The following DCLK1 variants were observed in gnomAD, a reference collection of about 807,000 sequenced individuals.
DCLK1 encodes the protein doublecortin like kinase 1, also known as serine/threonine-protein kinase DCLK1.
In DCLK1, 16 loss-of-function variants were observed where a neutral mutation model predicts 86.2. The ratio of observed to expected loss-of-function variants is 0.19; its 90% CI spans 0.13 to 0.28. The LOEUF (loss-of-function observed/expected upper bound fraction) is 0.28, where lower values mean the gene tolerates loss of function less well. Among genes scored for constraint, DCLK1 ranks in the 10% least tolerant of loss-of-function variants. The probability of loss-of-function intolerance (pLI) is 1.00; values close to 1 mark genes in which losing one functional copy is unlikely to be tolerated. For missense variants in DCLK1, 590 were observed against 940.2 expected (o/e 0.63, Z 4.87); for synonymous variants, 369 against 370.5 (o/e 1.00, Z 0.05).
chr13:36,087,379 C>T (rs1172248809), intron 3 of DCLK1, among the ~76,000 whole-genome samples: 2 of 152,202 alleles, frequency 1.3e-5, no homozygotes, highest in Admixed American at 1.3e-4. Flanking sequence ...TATCTTCAAG[C>T]ACAGGTATTG....
At chr13:35,985,875 T>G (rs1879876482) in intron 3 of DCLK1, among the ~76,000 whole-genome samples, 1 of 152,202 alleles carries the variant, frequency 6.6e-6, no homozygotes, top group African/African-American at 2.4e-5. Context: ...AAATAGATAT[T>G]TTATCAGGAA....
rs1379154512 is a variant in DCLK1 at position 36,032,136 on chromosome 13, TTTTTTTC to T, written c.723+79726_723+79732del. ...TTTTCTTTTTTCTTTTTCTTTTCTTTTTTTTTCTTTTTTCTTTTTTTTTGAGACGGAT... is the reference window on the plus strand; with the variant it reads ...TTTTCTTTTTTCTTTTTCTTTTCTTTTTTTTTCTTTTTTTTTGAGACGGAT... On this transcript the variant is annotated intron_variant, in intron 3 of 16. Transcript: ENST00000360631. Among the ~76,000 whole-genome samples the T allele has an allele frequency of 2.6e-5, 4 of 152,194 alleles. No homozygotes were observed. In the East Asian group the frequency reaches 7.7e-4, roughly 29 times the overall value.
rs529067405 is a variant in DCLK1, at chr13:35,793,452, G to C, written c.1972C>G (p.Gln658Glu). 64 of 1,607,176 alleles carry C rather than the reference G, an allele frequency of 4.0e-5. 1 individual carries two copies. In the South Asian group the frequency reaches 6.9e-4, roughly 17 times the overall value. ...TTTATCTTTCCAGCTACTGACAGCT[G>C]ATGTTCATTTTCTGGGAGGCCATCA... is the stretch of plus-strand genomic sequence containing the variant. ...NDDGLPENEH[Q>E]LSVAGKIKKH... The change falls in exon 16 of 17, where the codon CAG (glutamine) becomes GAG (glutamate). Residue 658 changes from glutamine to glutamate, a missense_variant. By Grantham distance (29) the Gln-to-Glu change is conservative (BLOSUM62 2). Transcript: ENST00000360631.
intron 5 of DCLK1, among the ~76,000 whole-genome samples, chr13:35,860,173 G>T (rs773541320): frequency 2.0e-5 from 3 of 152,138 alleles, no homozygotes; most frequent in Non-Finnish European, 4.4e-5. Flanking sequence ...GGCGATTCAG[G>T]CACGCTGCCA....
chr13:36,058,622 T>C (rs1408486877), intron 3 of DCLK1, among the ~76,000 whole-genome samples: 1 of 152,088 alleles, frequency 6.6e-6, no homozygotes, highest in East Asian at 1.9e-4. Flanking sequence ...GATGTAAAGA[T>C]ATTATAAAAT....
At chr13:36,022,534 G>GA (rs1486939772) in intron 3 of DCLK1, among the ~76,000 whole-genome samples, 1 of 151,530 alleles carries the variant, frequency 6.6e-6, no homozygotes, top group Non-Finnish European at 1.5e-5. Context: ...AACTTATTGA[G>GA]AAAAAAAGAG....
At chr13:35,850,699 T>C (rs1394459831) in intron 6 of DCLK1, 33 of 1,582,122 alleles carry the variant, frequency 2.1e-5, no homozygotes, top group Non-Finnish European at 2.7e-5. Flanking sequence ...ACAAACCATA[T>C]ACATTGCTCC....
chr13:35,901,156 A>C (rs1374503195), intron 4 of DCLK1, among the ~76,000 whole-genome samples: 1 of 152,196 alleles, frequency 6.6e-6, no homozygotes, highest in Non-Finnish European at 1.5e-5. Context: ...TAGGGAGATA[A>C]AAACTGAAAG....
At chr13:35,782,553 G>A (rs1219971956) in intron 16 of DCLK1, among the ~76,000 whole-genome samples, 2 of 152,128 alleles carry the variant, frequency 1.3e-5, no homozygotes, top group Non-Finnish European at 2.9e-5. Context: ...TGCTAAAAGT[G>A]GGATGTTATT....
chr13:35,811,740 A>G (rs2087149911), intron 11 of DCLK1, among the ~76,000 whole-genome samples: 1 of 152,128 alleles, frequency 6.6e-6, no homozygotes, highest in Non-Finnish European at 1.5e-5. Flanking sequence ...AGGCTGAGGC[A>G]AGAGAATCAC....
intron 4 of DCLK1, among the ~76,000 whole-genome samples, chr13:35,900,645 G>A (rs992952400): frequency 1.3e-5 from 2 of 152,110 alleles, no homozygotes; most frequent in African/African-American, 4.8e-5. Context: ...TTGCACTATT[G>A]GGCTAGATAA....
At chr13:35,979,928 G>T (rs558859197) in intron 3 of DCLK1, among the ~76,000 whole-genome samples, 1 of 152,274 alleles carries the variant, frequency 6.6e-6, no homozygotes, top group East Asian at 1.9e-4. Flanking sequence ...ACAACTCAAA[G>T]TGTGCTGTTG....
At chr13:36,029,329 G>A (rs150364877) in intron 3 of DCLK1, among the ~76,000 whole-genome samples, 25 of 152,264 alleles carry the variant, frequency 1.6e-4, no homozygotes, top group Admixed American at 1.3e-3. Flanking sequence ...CATGACACAT[G>A]TGTTTGTGTG....
At chr13:35,990,889 T>A (rs74710953) in intron 3 of DCLK1, among the ~76,000 whole-genome samples, 1,735 of 152,322 alleles carry the variant, frequency 0.011, 29 homozygotes, top group East Asian at 0.053. Context: ...AAAGTAGGAC[T>A]GGAGAATACA....
In DCLK1 at chr13:36,034,558, A is replaced by G. The variant is rs117700324; in HGVS notation, c.723+77311T>C. Among the ~76,000 whole-genome samples, 190 of 152,328 alleles carry G rather than the reference A, an allele frequency of 1.2e-3. 2 individuals are homozygous for G. The East Asian group carries it at 0.033, about 26-fold the overall frequency. On this transcript the variant is annotated intron_variant, in intron 3 of 16. Transcript: ENST00000360631. ...AATTAAAAAATTAGCCCAACAGTCA[A>G]TTCTATTCCTGAAATTTTGAAGGAC...
At chr13:35,776,113 G>A (rs928142278) in intron 16 of DCLK1, among the ~76,000 whole-genome samples, 2 of 152,128 alleles carry the variant, frequency 1.3e-5, no homozygotes, top group African/African-American at 2.4e-5. Context: ...CTGTTGAAAC[G>A]TCTACCTTTG....
chr13:36,116,427 A>G (rs986996382), intron 2 of DCLK1, among the ~76,000 whole-genome samples: 1 of 152,130 alleles, frequency 6.6e-6, no homozygotes, highest in African/African-American at 2.4e-5. Context: ...GAAAACTGAC[A>G]ATGTGGTACC....
At chr13:35,940,113 C>A (rs536586215) in intron 4 of DCLK1, among the ~76,000 whole-genome samples, 2 of 151,558 alleles carry the variant, frequency 1.3e-5, no homozygotes, top group Non-Finnish European at 1.5e-5. Context: ...CCCAGCTACT[C>A]GGGAGGATGA....
At chr13:36,061,367 T>C (rs761857135) in intron 3 of DCLK1, among the ~76,000 whole-genome samples, 8 of 152,162 alleles carry the variant, frequency 5.3e-5, no homozygotes, top group Non-Finnish European at 1.0e-4. Context: ...AAATAAAGTA[T>C]CTAAAGACAA....
Sources: gnomAD v4.1 joint callset for allele counts (sites outside exome capture counted in the v4.1 genomes callset) on GRCh38, gnomAD v4.1.1 for gene constraint, MANE v1.5 for transcripts, NCBI Gene and HGNC (gene_info 2026-07-23, HGNC 2026-07-21) for gene names.